MAP3K13: variants seen among roughly 807,000 people sequenced by gnomAD.
MAP3K13 encodes leucine zipper-bearing kinase.
Under a neutral mutation model 104.0 loss-of-function variants are expected in MAP3K13, and 52 were observed. The observed-to-expected ratio is 0.50, with a 90% CI of 0.40 to 0.63. The LOEUF is 0.63. MAP3K13 is among the 20% of genes least tolerant of loss of function. The pLI is 0.00. For synonymous variants in MAP3K13, 394 were observed against 442.2 expected (o/e 0.89, Z 1.37); for missense variants, 914 against 1,218.5 (o/e 0.75, Z 3.72).
chr3:185,432,185 CTTT>C (rs11407161), intron 2 of MAP3K13, among the ~76,000 whole-genome samples: 122 of 90,098 alleles, frequency 1.4e-3, no homozygotes, highest in Middle Eastern at 9.6e-3. Context: ...TTTCTAATTG[CTTT>C]TTTTTTTTTT....
intron 1 of MAP3K13, among the ~76,000 whole-genome samples, chr3:185,400,254 C>T (rs1320788672): frequency 6.6e-6 from 1 of 152,240 alleles, no homozygotes; most frequent in South Asian, 2.1e-4. Flanking sequence ...CTCCCTGCGT[C>T]TGCGCACCCT....
At chr3:185,456,792 G>C (rs1238987851) in intron 7 of MAP3K13, among the ~76,000 whole-genome samples, 1 of 150,226 alleles carries the variant, frequency 6.7e-6, no homozygotes, top group Non-Finnish European at 1.5e-5. Context: ...AGTAGAGACA[G>C]GTTTCACCAC....
chr3:185,428,453 A>G lies in MAP3K13; in HGVS notation c.-85-44A>G, dbSNP rs556154064. 13 of 1,285,010 alleles carry G rather than the reference A, an allele frequency of 1.0e-5. No individual in the cohort carries two copies. In the Admixed American group the frequency reaches 3.2e-4, roughly 32 times the overall value. 79.6% of individuals were successfully genotyped at this position (1,285,010 alleles called of 1,614,324 possible). A position where few individuals can be genotyped will look rare whatever the true frequency, so the allele number is the denominator to read the frequency against. ...CAAACAGAAGTGTCGTAGTGTGCAT[A>G]CTAAAGAAAGGATGATCTCTTATCT... On this transcript the variant is annotated intron_variant, in intron 1 of 13. Coordinates refer to ENST00000265026, the MANE Select transcript of MAP3K13 (RefSeq NM_004721.5).
At chr3:185,422,946 G>A (rs1714216294) in intron 1 of MAP3K13, among the ~76,000 whole-genome samples, 1 of 152,124 alleles carries the variant, frequency 6.6e-6, no homozygotes, top group Non-Finnish European at 1.5e-5. Context: ...AGATCCATGG[G>A]GCATTAGATT....
intron 2 of MAP3K13, chr3:185,329,307 A>G: frequency 1.4e-6 from 1 of 698,846 alleles, no homozygotes; most frequent in Non-Finnish European, 2.6e-6. Flanking sequence ...ATTTATCCTC[A>G]TGTTCTTTCC....
At chr3:185,388,017 A>G (rs190869104) in intron 1 of MAP3K13, among the ~76,000 whole-genome samples, 19 of 152,270 alleles carry the variant, frequency 1.2e-4, no homozygotes, top group African/African-American at 4.1e-4. Flanking sequence ...GGTGGTTAAA[A>G]AAGTTTAAAA....
intron 1 of MAP3K13, among the ~76,000 whole-genome samples, chr3:185,398,324 AAG>A (rs1463388866): frequency 9.8e-5 from 15 of 152,310 alleles, no homozygotes; most frequent in Non-Finnish European, 2.1e-4. Flanking sequence ...ACCAGAAAGA[AAG>A]ACAGTCCTCC....
rs1253002221 is a variant in MAP3K13 at position 185,482,727 on chromosome 3, TGATA to T, written c.*272_*275del. 1 of 353,418 alleles carries T rather than the reference TGATA, an allele frequency of 2.8e-6. No homozygotes were observed. The highest frequency in any genetic ancestry group is 2.1e-5 in the African/African-American group (1 of 48,526). The allele number at this position is 353,418 out of a possible 1,614,324, so 21.9% of individuals were successfully genotyped here. Reference sequence around the variant, plus strand: ...TTGAATATTCTAGCTACTGTAACATTGATATTTATTTTTGTTTGACATTTTAACA... The same window carrying T: ...TTGAATATTCTAGCTACTGTAACATTTTTATTTTTGTTTGACATTTTAACA... On this transcript the variant is annotated 3_prime_UTR_variant, in exon 14 of 14. Coordinates refer to ENST00000265026, the MANE Select transcript of MAP3K13 (RefSeq NM_004721.5). This position sits in a 1 kb window ranked among gnomAD's most constrained non-coding sequence, Gnocchi z 4.5.
rs1560133032 is a variant in MAP3K13 at position 185,473,394 on chromosome 3, A to G, written c.2063A>G (p.Gln688Arg). 1.2e-6 allele frequency: 2 copies of G among 1,614,118 alleles called. No individual in the cohort carries two copies. The highest frequency in any genetic ancestry group is 1.7e-6 in the Non-Finnish European group (2 of 1,180,048). The change falls in exon 11 of 14, where the codon CAG becomes CGG. Residue 688 changes from glutamine to arginine, a missense_variant. Gln to Arg is a conservative substitution (Grantham distance 43, BLOSUM62 1). This residue lies in a region of MAP3K13 where 583 missense variants were observed against 737.4 expected (regional missense o/e 0.79). Transcript: ENST00000265026. This position sits in a 1 kb window ranked among gnomAD's most constrained non-coding sequence, Gnocchi z 4.9. ...ALRSPLSNHA[Q>R]RQLPGSSPDL... ...CGGAGCCCACTCAGCAACCATGCTC[A>G]GAGACAGCTGCCCGGCTCGAGCCCT...
rs982341605 is a variant in MAP3K13, at chr3:185,304,791, G to C, written c.-86+19148G>C. 2.0e-5 allele frequency among the ~76,000 whole-genome samples: 3 copies of C among 152,134 alleles called. No homozygotes were observed. In the South Asian group the frequency reaches 6.2e-4, roughly 32 times the overall value. On this transcript the variant is annotated intron_variant, in intron 2 of 14. Transcript: ENST00000424227. ...TGGGACTACAGACATGCGCCACCATGCCCAGCTAATTTTTGTATTTTTAGT... is the reference window on the plus strand; with the variant it reads ...TGGGACTACAGACATGCGCCACCATCCCCAGCTAATTTTTGTATTTTTAGT...
At chr3:185,362,851 T>C (rs1723686604), upstream of MAP3K13, among the ~76,000 whole-genome samples, 1 of 152,108 alleles carries the variant, frequency 6.6e-6, no homozygotes, top group Admixed American at 6.6e-5. Context: ...ATTTTTGTTA[T>C]CCTTGATTCC....
intron 2 of MAP3K13, among the ~76,000 whole-genome samples, chr3:185,295,244 C>T (rs1319961103): frequency 2.0e-5 from 3 of 152,008 alleles, no homozygotes; most frequent in Non-Finnish European, 4.4e-5. Flanking sequence ...TTTGCTCTGT[C>T]GCCCAGGCTG....
intron 3 of MAP3K13, 81 bp downstream of exon 3, chr3:185,437,711 G>A: frequency 7.4e-7 from 1 of 1,357,272 alleles, no homozygotes; most frequent in Non-Finnish European, 1.0e-6. Context: ...TGCTTTGAGA[G>A]ATATTTCAAA....
chr3:185,351,600 A>G (rs1298039298), intron 2 of MAP3K13, among the ~76,000 whole-genome samples: 1 of 152,174 alleles, frequency 6.6e-6, no homozygotes, highest in Non-Finnish European at 1.5e-5. Flanking sequence ...GCATTTATTC[A>G]TATGTTAAAA....
chr3:185,341,258 G>A (rs1363410590), intron 2 of MAP3K13, among the ~76,000 whole-genome samples: 2 of 152,130 alleles, frequency 1.3e-5, no homozygotes, highest in Admixed American at 1.3e-4. Context: ...AAGAGGAGAG[G>A]ACACACAGAG....
chr3:185,447,790 G>A lies in MAP3K13; in HGVS notation c.853G>A (p.Val285Ile). ...TTTTCTTTTTATTTCTTTTTAAAGT[G>A]TTTTAGTGACCCACACAGATGCGGT... ...IIHRDLKSPN[V>I]LVTHTDAVKI... is the part of the protein sequence containing the mutation. The change falls in exon 5 of 14, where the codon GTT becomes ATT. Residue 285 changes from valine to isoleucine, a missense_variant and splice_region_variant. Val to Ile is a conservative substitution (Grantham distance 29). Transcript: ENST00000265026. 1.3e-6 allele frequency: 2 copies of A among 1,598,656 alleles called. No individual in the cohort carries two copies. The highest frequency in any genetic ancestry group is 8.5e-7 in the Non-Finnish European group (1 of 1,174,776).
chr3:185,469,091 G>T (rs1392437565), intron 10 of MAP3K13, among the ~76,000 whole-genome samples: 1 of 152,188 alleles, frequency 6.6e-6, no homozygotes, highest in Non-Finnish European at 1.5e-5. Context: ...TCCCTTGAAG[G>T]ACTTCCGTTT....
At chr3:185,404,466 G>A (rs1577515919) in intron 1 of MAP3K13, among the ~76,000 whole-genome samples, 1 of 152,170 alleles carries the variant, frequency 6.6e-6, no homozygotes, top group Non-Finnish European at 1.5e-5. Flanking sequence ...GTTTACATAC[G>A]TCAGGCTATG....
At chr3:185,303,247 A>G (rs909111115) in intron 2 of MAP3K13, among the ~76,000 whole-genome samples, 10 of 152,172 alleles carry the variant, frequency 6.6e-5, no homozygotes, top group African/African-American at 2.4e-4. Flanking sequence ...TATTTTGTTC[A>G]GGATTTTTAC....
Sources: gnomAD v4.1 joint callset for allele counts (sites outside exome capture counted in the v4.1 genomes callset) on GRCh38, gnomAD v4.1.1 for gene constraint, gnomAD v4.1.1 regional missense constraint, Gnocchi (gnomAD v3.1) non-coding constraint, MANE v1.5 for transcripts, NCBI Gene and HGNC (gene_info 2026-07-23, HGNC 2026-07-21) for gene names.